The following HYAL4 variants were observed in gnomAD, a reference collection of about 807,000 sequenced individuals.
The protein encoded by HYAL4 is hyaluronidase-4.
A neutral mutation model predicts 35.2 loss-of-function variants in HYAL4; 37 were observed. The observed-to-expected ratio is 1.05, with a 90% CI of 0.81 to 1.38. The LOEUF (loss-of-function observed/expected upper bound fraction) is 1.38. Among genes scored for constraint, HYAL4 ranks in the 40% most tolerant of loss-of-function variants. The pLI is 0.00. For missense variants in HYAL4, 572 were observed against 572.4 expected (o/e 1.00, Z 0.01); for synonymous variants, 198 against 203.2 (o/e 0.97, Z 0.22).
At chr7:123,842,701 T>TTTAGGATAGTTAGCTC (rs1200199806), upstream of HYAL4, among the ~76,000 whole-genome samples, 1 of 152,020 alleles carries the variant, frequency 6.6e-6, no homozygotes, top group African/African-American at 2.4e-5. Flanking sequence ...TGCATATATA[T>TTTAGGATAGTTAGCTC]TTAGGATAGT....
At chr7:123,790,698 G>C in the HYAL4 span, 1 of 150,254 alleles carries the variant, frequency 6.7e-6, no homozygotes, top group Non-Finnish European at 1.5e-5. Flanking sequence ...TATATGTGCT[G>C]CCGAAGCGAG....
intron 2 of HYAL4, among the ~76,000 whole-genome samples, chr7:123,857,673 C>CTTTCTTTCTTTCTTTGTTTG (rs1806479803): frequency 8.2e-5 from 5 of 60,892 alleles, no homozygotes; most frequent in Admixed American, 4.7e-4. Flanking sequence ...TTGTTTGTTT[C>CTTTCTTTCTTTCTTTGTTTG]TTTCTTTCTT....
chr7:123,801,332 A>T, the HYAL4 span, among the ~76,000 whole-genome samples: 19 of 152,178 alleles, frequency 1.2e-4, no homozygotes, highest in African/African-American at 4.6e-4. Flanking sequence ...TGGGAATAGC[A>T]TTGAGTTATT....
chr7:123,812,539 A>G, the HYAL4 span, among the ~76,000 whole-genome samples: 2 of 152,224 alleles, frequency 1.3e-5, no homozygotes, highest in African/African-American at 4.8e-5. Flanking sequence ...ATATACATGG[A>G]AAACATAATG....
At chr7:123,837,503 A>G (rs950097628) in intron 1 of HYAL4, among the ~76,000 whole-genome samples, 3 of 152,200 alleles carry the variant, frequency 2.0e-5, no homozygotes, top group East Asian at 3.9e-4. Flanking sequence ...ACTGAACAGA[A>G]TATTAACGTG....
the HYAL4 span, among the ~76,000 whole-genome samples, chr7:123,806,852 G>T: frequency 6.6e-6 from 1 of 152,096 alleles, no homozygotes; most frequent in Non-Finnish European, 1.5e-5. Flanking sequence ...CCACTTTTTA[G>T]AAAGCAGTGC....
intron 2 of HYAL4, among the ~76,000 whole-genome samples, chr7:123,854,309 G>C (rs541840253): frequency 6.6e-6 from 1 of 152,086 alleles, no homozygotes; most frequent in Non-Finnish European, 1.5e-5. Flanking sequence ...TTTTAATTGT[G>C]ATGTTAGGGT....
At chr7:123,858,814 T>A (rs1406538362) in intron 2 of HYAL4, among the ~76,000 whole-genome samples, 13 of 152,170 alleles carry the variant, frequency 8.5e-5, no homozygotes, top group African/African-American at 2.2e-4. Context: ...TAATGAAACT[T>A]CTTCTAGTGT....
the HYAL4 span, among the ~76,000 whole-genome samples, chr7:123,809,034 CAAG>C: frequency 6.6e-6 from 1 of 152,334 alleles, no homozygotes; most frequent in Middle Eastern, 3.4e-3. Flanking sequence ...GTACCACTGA[CAAG>C]AAGGAGGATA....
the HYAL4 span, among the ~76,000 whole-genome samples, chr7:123,788,840 G>C: frequency 6.6e-6 from 1 of 152,180 alleles, no homozygotes; most frequent in African/African-American, 2.4e-5. Context: ...ACCTCTGTTC[G>C]TAAAATTCCT....
At chr7:123,820,712 C>T in the HYAL4 span, among the ~76,000 whole-genome samples, 1 of 152,082 alleles carries the variant, frequency 6.6e-6, no homozygotes, top group East Asian at 1.9e-4. Context: ...GGAGATCTCT[C>T]GAACTTGTTT....
intron 1 of HYAL4, among the ~76,000 whole-genome samples, chr7:123,839,671 G>A (rs1207076953): frequency 6.6e-6 from 1 of 152,116 alleles, no homozygotes; most frequent in Non-Finnish European, 1.5e-5. Context: ...TTTAATGATT[G>A]CCATTCTAAC....
chr7:123,861,807 T>C (rs1163780900), intron 2 of HYAL4, among the ~76,000 whole-genome samples: 1 of 152,142 alleles, frequency 6.6e-6, no homozygotes, highest in African/African-American at 2.4e-5. Flanking sequence ...GGAGGGACAC[T>C]GTGTTCTTTG....
the HYAL4 span, among the ~76,000 whole-genome samples, chr7:123,789,996 T>G: frequency 2.6e-5 from 4 of 152,062 alleles, no homozygotes; most frequent in Non-Finnish European, 5.9e-5. Context: ...TGAAGGGCTG[T>G]TAGGTAGGGA....
In HYAL4 at chr7:123,845,619, A is replaced by C. The variant is rs1562994889; in HGVS notation, c.-188A>C. On this transcript the variant is annotated 5_prime_UTR_variant, in exon 1 of 5. An upstream open reading frame in the 5' UTR loses its in-frame stop. Transcript: ENST00000223026. ...TTCTGATGCCTCCTTGTTTAGCTTA[A>C]TAACTGACCTTCTGAATTCTTTTTT... is the stretch of plus-strand genomic sequence containing the variant. 6.6e-6 allele frequency: 1 copy of C among 152,146 alleles called. No homozygotes were observed. The highest frequency in any genetic ancestry group is 1.5e-5 in the Non-Finnish European group (1 of 68,034). 9.4% of individuals were successfully genotyped at this position (152,146 alleles called of 1,614,324 possible).
At chr7:123,794,500 C>T in the HYAL4 span, among the ~76,000 whole-genome samples, 1 of 152,208 alleles carries the variant, frequency 6.6e-6, no homozygotes, top group Admixed American at 6.5e-5. Context: ...CCCCTGACCC[C>T]CTCTGCTCTA....
the HYAL4 span, among the ~76,000 whole-genome samples, chr7:123,815,775 C>T: frequency 1.3e-5 from 2 of 152,132 alleles, no homozygotes; most frequent in African/African-American, 4.8e-5. Context: ...TCCATCTATA[C>T]CTGAGAGCCA....
chr7:123,835,689 T>C (rs1805953248), intron 1 of HYAL4, among the ~76,000 whole-genome samples: 1 of 152,178 alleles, frequency 6.6e-6, no homozygotes, highest in Non-Finnish European at 1.5e-5. Flanking sequence ...TTATGCTTTT[T>C]CAGACTTTTT....
At chr7:123,841,929 T>C (rs907708735), upstream of HYAL4, among the ~76,000 whole-genome samples, 5 of 152,004 alleles carry the variant, frequency 3.3e-5, no homozygotes, top group Non-Finnish European at 5.9e-5. Context: ...TTTGTTGATC[T>C]TTTCAAAAAA....
Sources: allele counts gnomAD v4.1 joint callset (sites outside exome capture counted in the v4.1 genomes callset), GRCh38; gene constraint gnomAD v4.1.1; transcripts MANE v1.5; gene names NCBI Gene and HGNC (gene_info 2026-07-23, HGNC 2026-07-21).